ZNF385B: variants seen among roughly 807,000 people sequenced by gnomAD.
ZNF385B encodes the protein zinc finger protein 533.
ZNF385B carries 23 observed loss-of-function variants against 39.2 expected under a neutral mutation model. The observed-to-expected ratio is 0.59, with a 90% CI of 0.42 to 0.83. The LOEUF (loss-of-function observed/expected upper bound fraction) is 0.83. ZNF385B is among the 40% of genes least tolerant of loss of function. The probability of loss-of-function intolerance (pLI) is 0.00; values close to 1 mark genes in which losing one functional copy is unlikely to be tolerated. For missense variants in ZNF385B, 552 were observed against 598.9 expected (o/e 0.92, Z 0.82); for synonymous variants, 205 against 222.6 (o/e 0.92, Z 0.70).
intron 3 of ZNF385B, among the ~76,000 whole-genome samples, chr2:179,658,398 AATATCAC>A (rs886699002): frequency 6.6e-6 from 1 of 152,248 alleles, no homozygotes; most frequent in African/African-American, 2.4e-5. Flanking sequence ...CAGTGTTGCC[AATATCAC>A]AGGATAATGG....
intron 3 of ZNF385B, among the ~76,000 whole-genome samples, chr2:179,711,330 T>C (rs1699982463): frequency 6.6e-6 from 1 of 152,220 alleles, no homozygotes; most frequent in Non-Finnish European, 1.5e-5. Flanking sequence ...TATTATTATA[T>C]ACGTTATTTT....
chr2:179,792,730 CAAAA>C (rs927222201), intron 1 of ZNF385B, among the ~76,000 whole-genome samples: 5 of 151,948 alleles, frequency 3.3e-5, no homozygotes, highest in African/African-American at 4.8e-5. Flanking sequence ...AATAACTTGA[CAAAA>C]AACCTAATGC....
intron 1 of ZNF385B, among the ~76,000 whole-genome samples, chr2:179,810,559 G>A (rs938761292): frequency 3.0e-4 from 45 of 151,866 alleles, no homozygotes; most frequent in African/African-American, 9.7e-4. Flanking sequence ...ATTAAGGAGT[G>A]TGTTCCATGT....
intron 5 of ZNF385B, among the ~76,000 whole-genome samples, chr2:179,511,922 C>T (rs1257803694): frequency 2.0e-5 from 3 of 152,074 alleles, no homozygotes; most frequent in South Asian, 2.1e-4. Flanking sequence ...AGGTACCATA[C>T]AAAATAAAAT....
At chr2:179,565,362 T>TA (rs1407317124) in intron 3 of ZNF385B, among the ~76,000 whole-genome samples, 4 of 152,222 alleles carry the variant, frequency 2.6e-5, no homozygotes. Context: ...ATAATGCATG[T>TA]AAATTCTTAC....
chr2:179,830,631 A>G (rs895648280), intron 1 of ZNF385B, among the ~76,000 whole-genome samples: 11 of 152,218 alleles, frequency 7.2e-5, no homozygotes, highest in Admixed American at 6.5e-4. Flanking sequence ...TATGCACTCT[A>G]TGATTCAAAC....
chr2:179,473,804 T>C (rs1268920916), intron 6 of ZNF385B, among the ~76,000 whole-genome samples: 1 of 152,156 alleles, frequency 6.6e-6, no homozygotes, highest in Non-Finnish European at 1.5e-5. Context: ...TGTGTTAGTT[T>C]GCTGAGAATG....
intron 6 of ZNF385B, among the ~76,000 whole-genome samples, chr2:179,467,060 T>G (rs2052128066): frequency 6.6e-6 from 1 of 151,792 alleles, no homozygotes; most frequent in South Asian, 2.1e-4. Flanking sequence ...GTAATAGATG[T>G]GCATTACTGA....
intron 3 of ZNF385B, among the ~76,000 whole-genome samples, chr2:179,665,025 A>G (rs111663943): frequency 6.6e-6 from 1 of 152,206 alleles, no homozygotes. Flanking sequence ...AAATAATCCC[A>G]TTTAAAAACT....
At chr2:179,688,294 G>C (rs758754881) in intron 3 of ZNF385B, among the ~76,000 whole-genome samples, 8 of 152,088 alleles carry the variant, frequency 5.3e-5, no homozygotes, top group Non-Finnish European at 1.2e-4. Context: ...GGGGGGTTAT[G>C]GATCCTTTTC....
chr2:179,844,593 G>A (rs574675877), intron 1 of ZNF385B, among the ~76,000 whole-genome samples: 2 of 152,230 alleles, frequency 1.3e-5, no homozygotes, highest in African/African-American at 4.8e-5. Context: ...AAGCAAGGAA[G>A]AAAAGGAAAC....
At chr2:179,799,855 C>A (rs544136366) in intron 1 of ZNF385B, among the ~76,000 whole-genome samples, 20 of 152,214 alleles carry the variant, frequency 1.3e-4, no homozygotes, top group African/African-American at 4.8e-4. Flanking sequence ...GTAACGTCAA[C>A]TGTGAATGAG....
chr2:179,627,461 A>G (rs1297254330), intron 3 of ZNF385B, among the ~76,000 whole-genome samples: 2 of 152,206 alleles, frequency 1.3e-5, no homozygotes, highest in Non-Finnish European at 2.9e-5. Flanking sequence ...ACTAATGCTC[A>G]GAAAAACTTA....
intron 1 of ZNF385B, among the ~76,000 whole-genome samples, chr2:179,779,755 T>C (rs1018303823): frequency 1.3e-5 from 2 of 152,162 alleles, no homozygotes; most frequent in African/African-American, 4.8e-5. Flanking sequence ...GTGTCAGGGA[T>C]GACTCCATGG....
chr2:179,722,289 TATC>T (rs2106407969), intron 3 of ZNF385B, among the ~76,000 whole-genome samples: 1 of 152,226 alleles, frequency 6.6e-6, no homozygotes, highest in African/African-American at 2.4e-5. Context: ...CCAAGATAGA[TATC>T]ATTCCTAAAG....
At chr2:179,834,845 A>G (rs1354129212) in intron 1 of ZNF385B, among the ~76,000 whole-genome samples, 7 of 152,248 alleles carry the variant, frequency 4.6e-5, no homozygotes, top group Non-Finnish European at 1.0e-4. Flanking sequence ...ATTATATACT[A>G]TGAAGGACAC....
rs564857379 is a variant in ZNF385B at position 179,457,290 on chromosome 2, T to C, written c.716-10520A>G. 4.6e-5 allele frequency among the ~76,000 whole-genome samples: 7 copies of C among 152,286 alleles called. No individual in the cohort carries two copies. In the East Asian group the frequency reaches 1.2e-3, roughly 25 times the overall value. ...TTATTTATTTTGCTACCGATGAAAA[T>C]TTAAAATGTTTTCAGTTTTTGGCCA... On this transcript the variant is annotated intron_variant, in intron 6 of 9. Coordinates refer to ENST00000410066, the MANE Select transcript of ZNF385B (RefSeq NM_152520.6).
intron 1 of ZNF385B, among the ~76,000 whole-genome samples, chr2:179,778,130 G>A (rs1265781809): frequency 6.6e-6 from 1 of 152,084 alleles, no homozygotes; most frequent in Non-Finnish European, 1.5e-5. Flanking sequence ...TGTGTATACG[G>A]TATACCTCTA....
intron 3 of ZNF385B, among the ~76,000 whole-genome samples, chr2:179,604,475 CA>C (rs1688644647): frequency 6.6e-6 from 1 of 151,978 alleles, no homozygotes; most frequent in South Asian, 2.1e-4. Flanking sequence ...AATTAACTGC[CA>C]AAAGATAACT....
Sources: gnomAD v4.1 joint callset for allele counts (sites outside exome capture counted in the v4.1 genomes callset) on GRCh38, gnomAD v4.1.1 for gene constraint, MANE v1.5 for transcripts, NCBI Gene and HGNC (gene_info 2026-07-23, HGNC 2026-07-21) for gene names.